SNX14: variants seen among roughly 807,000 people sequenced by gnomAD.
The protein encoded by SNX14 is sorting nexin-14.
SNX14 carries 93 observed loss-of-function variants against 133.8 expected under a neutral mutation model. That is an observed-to-expected ratio of 0.70 (90% confidence interval 0.59 to 0.83). The LOEUF (loss-of-function observed/expected upper bound fraction) is 0.83. Ranked by LOEUF, SNX14 falls within the 40% of genes least tolerant of loss-of-function variation. SNX14 has a pLI of 0.00. For missense variants in SNX14, 945 were observed against 1,094.9 expected (o/e 0.86, Z 1.93); for synonymous variants, 368 against 365.6 (o/e 1.01, Z -0.07).
intron 5 of SNX14, among the ~76,000 whole-genome samples, chr6:85,567,205 A>G (rs1794162080): frequency 6.6e-6 from 1 of 152,188 alleles, no homozygotes; most frequent in Non-Finnish European, 1.5e-5. Flanking sequence ...CTATCACCAA[A>G]TTATTAATTG....
chr6:85,520,649 C>G (rs760232976), intron 21 of SNX14, among the ~76,000 whole-genome samples: 4 of 152,164 alleles, frequency 2.6e-5, no homozygotes, highest in Non-Finnish European at 5.9e-5. Flanking sequence ...TGAGCCACCA[C>G]GCCCAACGAT....
intron 1 of SNX14, among the ~76,000 whole-genome samples, chr6:85,579,641 A>G (rs549507100): frequency 2.6e-4 from 39 of 152,212 alleles, no homozygotes; most frequent in Non-Finnish European, 5.0e-4. Context: ...ACTGAAACTC[A>G]GTGCTGCCAA....
In SNX14 at chr6:85,568,443, G is replaced by C. The variant is rs555367779; in HGVS notation, c.418-866C>G. On this transcript the variant is annotated intron_variant, in intron 4 of 28. Transcript: ENST00000314673. ...TAACGTTTTGTTTCCTGATCTGAAT[G>C]CTGGTTACACACATATGTTCGCTTT... is the stretch of plus-strand genomic sequence containing the variant. The C allele has an allele frequency of 1.1e-4, 16 of 152,372 alleles. 1 individual carries two copies. In the South Asian group the frequency reaches 3.3e-3, roughly 32 times the overall value. 9.4% of individuals were successfully genotyped at this position (152,372 alleles called of 1,614,324 possible).
chr6:85,582,348 A>G (rs916960212), intron 1 of SNX14, among the ~76,000 whole-genome samples: 7 of 152,198 alleles, frequency 4.6e-5, no homozygotes, highest in Non-Finnish European at 1.0e-4. Context: ...CCTACTGTAC[A>G]AGAAATGTTA....
chr6:85,568,322 G>A (rs1424989404), intron 4 of SNX14: 1 of 152,154 alleles, frequency 6.6e-6, no homozygotes, highest in Admixed American at 6.5e-5. Flanking sequence ...AAGCAGCTAA[G>A]ATTTATGTAA....
At chr6:85,557,325 A>G (rs1790104870) in intron 7 of SNX14, among the ~76,000 whole-genome samples, 1 of 152,236 alleles carries the variant, frequency 6.6e-6, no homozygotes, top group Non-Finnish European at 1.5e-5. Context: ...GTCTCAAATG[A>G]GGATTCCACT....
At chr6:85,582,219 T>C (rs1246689214) in intron 1 of SNX14, among the ~76,000 whole-genome samples, 1 of 152,032 alleles carries the variant, frequency 6.6e-6, no homozygotes, top group Non-Finnish European at 1.5e-5. Context: ...TTTAAAGCGC[T>C]GAAGGAAAAA....
At chr6:85,528,576 T>G (rs1779188907) in intron 19 of SNX14, among the ~76,000 whole-genome samples, 1 of 152,184 alleles carries the variant, frequency 6.6e-6, no homozygotes, top group Non-Finnish European at 1.5e-5. Context: ...AAAATATTAC[T>G]CTTGTAACAA....
At chr6:85,591,174 G>A (rs189251053) in intron 1 of SNX14, among the ~76,000 whole-genome samples, 3 of 151,974 alleles carry the variant, frequency 2.0e-5, no homozygotes, top group Admixed American at 1.3e-4. Context: ...TCTCAGAAGG[G>A]CCCATGTTTT....
At chr6:85,569,697 T>C (rs577287707) in intron 4 of SNX14, among the ~76,000 whole-genome samples, 12 of 152,322 alleles carry the variant, frequency 7.9e-5, no homozygotes, top group Middle Eastern at 3.4e-3. Context: ...ATCAACCAAA[T>C]ATGAAACTTG....
intron 16 of SNX14, among the ~76,000 whole-genome samples, chr6:85,537,633 C>T (rs1475953216): frequency 6.6e-6 from 1 of 152,094 alleles, no homozygotes; most frequent in South Asian, 2.1e-4. Flanking sequence ...CAATTAAAAC[C>T]GTAACTTTTA....
In SNX14 at chr6:85,572,188, C is replaced by T. The variant is rs758780751; in HGVS notation, c.366G>A (p.Gln122=). ...AAGAAATTTTCAGGTCTAGCCATGG[C>T]TGGTAGTTTTCAAGTAGCAAAGAAG... The part of the protein sequence containing the change: ...HRPSLLLENY[Q]PWLDLKISSK... The change falls in exon 4 of 29, where the codon CAG becomes CAA. Residue 122 remains glutamine (Q), a synonymous_variant. Transcript: ENST00000314673. The T allele has an allele frequency of 6.2e-7, 1 of 1,613,684 alleles. No homozygotes were observed. The highest frequency in any genetic ancestry group is 8.5e-7 in the Non-Finnish European group (1 of 1,179,926).
At chr6:85,534,361 C>T (rs1004491594) in intron 17 of SNX14, among the ~76,000 whole-genome samples, 1 of 152,206 alleles carries the variant, frequency 6.6e-6, no homozygotes, top group African/African-American at 2.4e-5. Context: ...CTGGAAACTT[C>T]TCTTTTCCCT....
At chr6:85,507,374 G>C in intron 27 of SNX14, 85 bp from the exon 28 acceptor site, 1 of 1,151,284 alleles carries the variant, frequency 8.7e-7, no homozygotes, top group East Asian at 2.4e-5. Context: ...ATTAAAGATT[G>C]TGGTTACCTC....
chr6:85,558,693 G>T (rs1205832877), intron 6 of SNX14, among the ~76,000 whole-genome samples: 1 of 151,970 alleles, frequency 6.6e-6, no homozygotes, highest in East Asian at 1.9e-4. Context: ...CCAACACCTG[G>T]ACTCAAGTAA....
chr6:85,591,182 T>G (rs902836974), intron 1 of SNX14, among the ~76,000 whole-genome samples: 1 of 152,232 alleles, frequency 6.6e-6, no homozygotes, highest in Non-Finnish European at 1.5e-5. Context: ...GGGCCCATGT[T>G]TTCTTGTATA....
At chr6:85,526,624 T>A (rs1280965337) in intron 20 of SNX14, among the ~76,000 whole-genome samples, 1 of 152,232 alleles carries the variant, frequency 6.6e-6, no homozygotes, top group African/African-American at 2.4e-5. Context: ...TATTTCCAGT[T>A]TCTCAACTAT....
At chr6:85,530,620 G>A (rs1779959670) in intron 18 of SNX14, among the ~76,000 whole-genome samples, 1 of 150,696 alleles carries the variant, frequency 6.6e-6, no homozygotes, top group Non-Finnish European at 1.5e-5. Flanking sequence ...ACTCCAGCCT[G>A]GGCAACAGAG....
intron 21 of SNX14, among the ~76,000 whole-genome samples, chr6:85,524,279 G>A (rs928207955): frequency 2.6e-5 from 4 of 152,172 alleles, no homozygotes; most frequent in African/African-American, 9.7e-5. Flanking sequence ...ACTGGCAAGA[G>A]GAAAATTGAG....
Sources: allele counts gnomAD v4.1 joint callset (sites outside exome capture counted in the v4.1 genomes callset), GRCh38; gene constraint gnomAD v4.1.1; transcripts MANE v1.5; gene names NCBI Gene and HGNC (gene_info 2026-07-23, HGNC 2026-07-21).